GPR158: variants seen among roughly 807,000 people sequenced by gnomAD.
The protein encoded by GPR158 is metabotropic glycine receptor.
Under a neutral mutation model 78.2 loss-of-function variants are expected in GPR158, and 30 were observed. The observed-to-expected ratio is 0.38, with a 90% CI of 0.29 to 0.52. The LOEUF (loss-of-function observed/expected upper bound fraction) is 0.52, where lower values mean the gene tolerates loss of function less well. Among genes scored for constraint, GPR158 ranks in the 20% least tolerant of loss-of-function variants. The pLI is 0.83. For synonymous variants in GPR158, 581 were observed against 591.1 expected, an observed-to-expected ratio of 0.98 and a Z score of 0.25; for missense variants, 1,463 against 1,523.5, an observed-to-expected ratio of 0.96 and a Z score of 0.66.
chr10:25,475,306 A>G (rs78429406), intron 5 of GPR158: 1 of 152,318 alleles, frequency 6.6e-6, no homozygotes, highest in African/African-American at 2.4e-5. Flanking sequence ...AATTCCACCC[A>G]ACAGAAACAT....
chr10:25,277,361 T>G (rs1854199342), intron 2 of GPR158, among the ~76,000 whole-genome samples: 2 of 151,124 alleles, frequency 1.3e-5, no homozygotes, highest in Non-Finnish European at 3.0e-5. Flanking sequence ...AGGAAAAAAA[T>G]GAATACAAAA....
At chr10:25,224,340 G>A (rs1192249572) in intron 2 of GPR158, among the ~76,000 whole-genome samples, 1 of 151,812 alleles carries the variant, frequency 6.6e-6, no homozygotes, top group Non-Finnish European at 1.5e-5. Flanking sequence ...TATTCCATTA[G>A]TAAATACCTT....
intron 2 of GPR158, among the ~76,000 whole-genome samples, chr10:25,320,293 T>C (rs1854929048): frequency 6.6e-6 from 1 of 152,310 alleles, no homozygotes; most frequent in African/African-American, 2.4e-5. Flanking sequence ...CTATTTATGT[T>C]CGGTGCTTCT....
intron 2 of GPR158, among the ~76,000 whole-genome samples, chr10:25,279,163 ACTGCTGATG>A (rs111572034): frequency 0.012 from 1,767 of 152,272 alleles, 24 homozygotes; most frequent in South Asian, 0.058. Flanking sequence ...TGCTGCTGCT[ACTGCTGATG>A]CTGCTGATGC....
chr10:25,446,114 G>T (rs1441345693), intron 4 of GPR158, among the ~76,000 whole-genome samples: 1 of 152,112 alleles, frequency 6.6e-6, no homozygotes, highest in African/African-American at 2.4e-5. Flanking sequence ...CAGCTAAGGG[G>T]TGTCTTGTTC....
At chr10:25,458,059 A>G (rs1009497366) in intron 4 of GPR158, among the ~76,000 whole-genome samples, 9 of 152,186 alleles carry the variant, frequency 5.9e-5, no homozygotes, top group African/African-American at 2.2e-4. Context: ...TTTTTTATTT[A>G]GTGTGTCATA....
chr10:25,409,766 A>G (rs1834560845), intron 3 of GPR158, among the ~76,000 whole-genome samples: 2 of 152,144 alleles, frequency 1.3e-5, no homozygotes, highest in Admixed American at 6.5e-5. Flanking sequence ...TTTTTCCTGG[A>G]TGCAATTGTG....
At chr10:25,393,650 G>A (rs533450661) in intron 2 of GPR158, 64 of 152,288 alleles carry the variant, frequency 4.2e-4, no homozygotes, top group African/African-American at 1.5e-3. Flanking sequence ...ACAGCAGCTT[G>A]TGTACCCTTG....
intron 2 of GPR158, among the ~76,000 whole-genome samples, chr10:25,347,476 G>C (rs554789768): frequency 2.0e-4 from 31 of 152,076 alleles, no homozygotes; most frequent in African/African-American, 7.5e-4. Context: ...ATTAGGATGT[G>C]GCCATCTTTG....
At chr10:25,546,503 C>T (rs557416124) in intron 5 of GPR158, among the ~76,000 whole-genome samples, 1 of 152,272 alleles carries the variant, frequency 6.6e-6, no homozygotes, top group East Asian at 1.9e-4. Context: ...TAACAGGTTG[C>T]CCAGTTTTCT....
chr10:25,534,251 A>T (rs1836461633), intron 5 of GPR158, among the ~76,000 whole-genome samples: 1 of 152,196 alleles, frequency 6.6e-6, no homozygotes, highest in Admixed American at 6.5e-5. Context: ...GGTTTCCAAA[A>T]GTAGCAGACA....
intron 2 of GPR158, among the ~76,000 whole-genome samples, chr10:25,228,977 G>A (rs183237454): frequency 6.6e-6 from 1 of 151,478 alleles, no homozygotes; most frequent in Admixed American, 6.6e-5. Context: ...GGGGTTTACA[G>A]TGAGCTGAGA....
chr10:25,409,490 G>C (rs1588849430), intron 3 of GPR158, among the ~76,000 whole-genome samples: 1 of 152,120 alleles, frequency 6.6e-6, no homozygotes, highest in East Asian at 1.9e-4. Flanking sequence ...TGTTGAGAAG[G>C]ATAAGACTAC....
At chr10:25,199,996 G>C (rs1304401068) in intron 1 of GPR158, among the ~76,000 whole-genome samples, 1 of 152,086 alleles carries the variant, frequency 6.6e-6, no homozygotes, top group Non-Finnish European at 1.5e-5. Context: ...GTGTCTTTAT[G>C]GTACAATGAT....
chr10:25,398,008 A>C (rs1361951049), intron 3 of GPR158, among the ~76,000 whole-genome samples: 1 of 152,186 alleles, frequency 6.6e-6, no homozygotes, highest in Non-Finnish European at 1.5e-5. Flanking sequence ...AAGAACTGAG[A>C]GCAAACCCCA....
chr10:25,528,467 A>T lies in GPR158; in HGVS notation c.1405-22509A>T, dbSNP rs1836379958. Among the ~76,000 whole-genome samples the T allele has an allele frequency of 2.6e-5, 4 of 152,252 alleles. No individual in the cohort carries two copies. In the South Asian group the frequency reaches 8.3e-4, roughly 32 times the overall value. ...GTTAGAATTAATAAGTGAATTTGTCAGGGTTCTAGGATATTCCTATATACA... is the reference window on the plus strand; with the variant it reads ...GTTAGAATTAATAAGTGAATTTGTCTGGGTTCTAGGATATTCCTATATACA... On this transcript the variant is annotated intron_variant, in intron 5 of 10. Transcript: ENST00000376351.
intron 2 of GPR158, among the ~76,000 whole-genome samples, chr10:25,389,460 C>T (rs918618133): frequency 4.6e-5 from 7 of 152,164 alleles, no homozygotes; most frequent in African/African-American, 1.2e-4. Flanking sequence ...GCTGAACACT[C>T]GTTGGAACAC....
rs549921620 is a variant in GPR158 at position 25,216,518 on chromosome 10, C to A, written c.903-4534C>A. On this transcript the variant is annotated intron_variant, in intron 1 of 10. Coordinates refer to ENST00000376351, the MANE Select transcript of GPR158 (RefSeq NM_020752.3). ...TAGCTACTCCTTGCTTCTCTCATGT[C>A]TGTAGTTCCTCCAAAGTTAATTTTG... Among the ~76,000 whole-genome samples, 48 of 152,182 alleles carry A rather than the reference C, an allele frequency of 3.2e-4. 1 individual carries two copies. The South Asian group carries it at 9.9e-3, about 32-fold the overall frequency.
chr10:25,370,037 A>G (rs10828782), intron 2 of GPR158, among the ~76,000 whole-genome samples: 48,137 of 135,072 alleles, frequency 0.36, 10,529 homozygotes, highest in Middle Eastern at 0.54. Flanking sequence ...TTTTTATTGC[A>G]TCTATTTGAT....
Sources: allele counts gnomAD v4.1 joint callset (sites outside exome capture counted in the v4.1 genomes callset), GRCh38; gene constraint gnomAD v4.1.1; transcripts MANE v1.5; gene names NCBI Gene and HGNC (gene_info 2026-07-23, HGNC 2026-07-21).